Variants in UNC13B observed in about 807,000 individuals in gnomAD.
UNC13B encodes protein unc-13 homolog B.
A neutral mutation model predicts 211.0 loss-of-function variants in UNC13B; 144 were observed. The ratio of observed to expected loss-of-function variants is 0.68; its 90% CI spans 0.60 to 0.78. The LOEUF is 0.78. Among genes scored for constraint, UNC13B ranks in the 30% least tolerant of loss-of-function variants. UNC13B has a pLI of 0.00. For synonymous variants in UNC13B, 709 were observed against 725.8 expected (o/e 0.98, Z 0.37); for missense variants, 1,777 against 2,002.0 (o/e 0.89, Z 2.14).
chr9:35,386,435 G>GTGGA, intron 24 of UNC13B, 142 bp downstream of exon 24: 1 of 1,162,008 alleles, frequency 8.6e-7, no homozygotes, highest in Non-Finnish European at 1.2e-6. Context: ...TATGAACCAT[G>GTGGA]TGGACCATGT....
chr9:35,261,215 C>G (rs1827253962), intron 7 of UNC13B, among the ~76,000 whole-genome samples: 1 of 152,094 alleles, frequency 6.6e-6, no homozygotes, highest in African/African-American at 2.4e-5. Context: ...TCTCATGTTT[C>G]TTTATCTCTG....
At chr9:35,381,460 G>T in intron 19 of UNC13B, 96 bp from the exon 20 acceptor site, 1 of 1,406,808 alleles carries the variant, frequency 7.1e-7, no homozygotes, top group South Asian at 1.4e-5. Context: ...ATTTCTGTGG[G>T]ACCTTGTGCA....
chr9:35,286,040 A>G (rs938157631), intron 7 of UNC13B, among the ~76,000 whole-genome samples: 24 of 152,006 alleles, frequency 1.6e-4, no homozygotes, highest in Non-Finnish European at 3.1e-4. Flanking sequence ...GGGGGCTGTG[A>G]TACTGTGATT....
In UNC13B at chr9:35,177,940, C is replaced by T. The variant is rs111742579; in HGVS notation, c.22+15635C>T. ...ATGGTGTCACTCATTAATTGGGATA[C>T]GAAGCATAGAAAGAAAGAATAACAA... is the stretch of plus-strand genomic sequence containing the variant. On this transcript the variant is annotated intron_variant, in intron 1 of 39. Coordinates refer to ENST00000635942, the MANE Select transcript of UNC13B (RefSeq NM_001371189.2). Among the ~76,000 whole-genome samples the T allele has an allele frequency of 4.4e-3, 670 of 152,148 alleles. 36 individuals are homozygous for T. The South Asian group carries it at 0.1, about 23-fold the overall frequency.
intron 12 of UNC13B, 51 bp from the exon 13 acceptor site, chr9:35,370,267 G>A (rs752222554): frequency 6.4e-7 from 1 of 1,550,756 alleles, no homozygotes. Flanking sequence ...GAACCCACCA[G>A]CTAACTCAAA....
intron 24 of UNC13B, 82 bp from the exon 25 acceptor site, chr9:35,389,764 G>A: frequency 6.7e-7 from 1 of 1,490,112 alleles, no homozygotes; most frequent in Non-Finnish European, 9.3e-7. Flanking sequence ...GGAAGGGGAA[G>A]AGAAAGAGGA....
chr9:35,386,010 T>G (rs2039312002), intron 23 of UNC13B, among the ~76,000 whole-genome samples, 155 bp from the exon 24 acceptor site: 1 of 152,158 alleles, frequency 6.6e-6, no homozygotes, highest in African/African-American at 2.4e-5. Context: ...GTGGAAGTTT[T>G]CCCTGTCAAC....
chr9:35,238,154 A>G (rs1054925403), intron 5 of UNC13B, among the ~76,000 whole-genome samples: 2 of 152,226 alleles, frequency 1.3e-5, no homozygotes, highest in Non-Finnish European at 2.9e-5. Flanking sequence ...GTGACTATAT[A>G]TACCTTCTGA....
At chr9:35,255,267 C>T (rs1019094820) in intron 6 of UNC13B, among the ~76,000 whole-genome samples, 2 of 150,102 alleles carry the variant, frequency 1.3e-5, no homozygotes, top group Non-Finnish European at 2.9e-5. Flanking sequence ...ATTTTTTAGA[C>T]GTTTTAGATT....
chr9:35,214,938 C>T (rs546694997), intron 1 of UNC13B, among the ~76,000 whole-genome samples: 5 of 152,264 alleles, frequency 3.3e-5, no homozygotes, highest in African/African-American at 9.6e-5. Context: ...TGCTGTATCT[C>T]TACTAACTTG....
chr9:35,238,602 CTTTAGGGCA>C (rs1163003731), intron 5 of UNC13B, among the ~76,000 whole-genome samples: 1 of 149,998 alleles, frequency 6.7e-6, no homozygotes, highest in Non-Finnish European at 1.5e-5. Context: ...TCTGCCCAGG[CTTTAGGGCA>C]GTGGCATGAT....
intron 1 of UNC13B, among the ~76,000 whole-genome samples, chr9:35,217,018 AG>A (rs1338284845): frequency 6.6e-6 from 1 of 152,170 alleles, no homozygotes; most frequent in Non-Finnish European, 1.5e-5. Flanking sequence ...ATGATGAGGG[AG>A]GGTGTAGATA....
At chr9:35,363,304 A>C (rs1833550784) in intron 11 of UNC13B, among the ~76,000 whole-genome samples, 1 of 152,168 alleles carries the variant, frequency 6.6e-6, no homozygotes, top group Non-Finnish European at 1.5e-5. Flanking sequence ...AATATATTTA[A>C]GATAGTGAAG....
In UNC13B at chr9:35,289,690, T is replaced by C. The variant is rs2131769324; in HGVS notation, c.527-6006T>C. Among the ~76,000 whole-genome samples, 3 of 152,238 alleles carry C rather than the reference T, an allele frequency of 2.0e-5. No individual in the cohort carries two copies. In the South Asian group the frequency reaches 6.2e-4, roughly 32 times the overall value. On this transcript the variant is annotated intron_variant, in intron 7 of 39. Coordinates refer to ENST00000635942, the MANE Select transcript of UNC13B (RefSeq NM_001371189.2). ...CTGAATGTTGACTTTAAAACCCATA[T>C]TCTTGGCTGAGCATGGTGGCTCACT...
chr9:35,206,963 G>A (rs1457595428), intron 1 of UNC13B, among the ~76,000 whole-genome samples: 1 of 151,550 alleles, frequency 6.6e-6, no homozygotes, highest in Non-Finnish European at 1.5e-5. Flanking sequence ...ATGGACATTT[G>A]GGTTGTTTCT....
intron 12 of UNC13B, among the ~76,000 whole-genome samples, chr9:35,369,812 ACT>A (rs1376474915): frequency 2.0e-5 from 3 of 151,630 alleles, no homozygotes; most frequent in Non-Finnish European, 4.4e-5. Flanking sequence ...AGAACTGGTG[ACT>A]CTTTTACTCT....
At chr9:35,236,630 A>G (rs1362586400) in intron 4 of UNC13B, 44 bp downstream of exon 4, 2 of 1,531,552 alleles carry the variant, frequency 1.3e-6, no homozygotes, top group East Asian at 2.3e-5. Context: ...TTCCCAGCCC[A>G]TGCTTCTCCC....
At chr9:35,278,310 C>T (rs558902784) in intron 7 of UNC13B, among the ~76,000 whole-genome samples, 1 of 152,038 alleles carries the variant, frequency 6.6e-6, no homozygotes, top group Non-Finnish European at 1.5e-5. Flanking sequence ...TTAAATGTGT[C>T]GTAGAATTGA....
chr9:35,268,198 C>T (rs1335568780), intron 7 of UNC13B, among the ~76,000 whole-genome samples: 1 of 152,108 alleles, frequency 6.6e-6, no homozygotes, highest in African/African-American at 2.4e-5. Context: ...TTTTCCCCTC[C>T]CCAGGAGGTG....
Sources: allele counts gnomAD v4.1 joint callset (sites outside exome capture counted in the v4.1 genomes callset), GRCh38; gene constraint gnomAD v4.1.1; transcripts MANE v1.5; gene names NCBI Gene and HGNC (gene_info 2026-07-23, HGNC 2026-07-21).